The following KHDRBS3 variants were observed in gnomAD, a reference collection of about 807,000 sequenced individuals.
KHDRBS3 encodes KH RNA binding domain containing, signal transduction associated 3.
KHDRBS3 carries 23 observed loss-of-function variants against 45.6 expected under a neutral mutation model. The ratio of observed to expected loss-of-function variants is 0.50; its 90% CI spans 0.36 to 0.72. The LOEUF (loss-of-function observed/expected upper bound fraction) is 0.72. Ranked by LOEUF, KHDRBS3 falls within the 30% of genes least tolerant of loss-of-function variation. The probability of loss-of-function intolerance (pLI) is 0.00; values close to 1 mark genes in which losing one functional copy is unlikely to be tolerated. For synonymous variants in KHDRBS3, 162 were observed against 156.5 expected (o/e 1.04, Z -0.26); for missense variants, 352 against 424.8 (o/e 0.83, Z 1.51).
intron 4 of KHDRBS3, among the ~76,000 whole-genome samples, chr8:135,653,570 T>C (rs1831472222): frequency 6.6e-6 from 1 of 152,220 alleles, no homozygotes; most frequent in Non-Finnish European, 1.5e-5. Flanking sequence ...GCAATGGCAG[T>C]GAGCCATTTT....
At chr8:135,527,386 A>C (rs1825245689) in intron 2 of KHDRBS3, among the ~76,000 whole-genome samples, 1 of 152,206 alleles carries the variant, frequency 6.6e-6, no homozygotes, top group Admixed American at 6.5e-5. Context: ...AGTGAAATTG[A>C]AGGGTGGTGA....
At chr8:135,501,583 CAT>C (rs1286615130) in intron 1 of KHDRBS3, among the ~76,000 whole-genome samples, 4 of 152,064 alleles carry the variant, frequency 2.6e-5, no homozygotes. Flanking sequence ...GGAAAAGAAA[CAT>C]AAAGTCATAC....
At chr8:135,493,490 A>C (rs1003991607) in intron 1 of KHDRBS3, among the ~76,000 whole-genome samples, 1 of 151,936 alleles carries the variant, frequency 6.6e-6, no homozygotes, top group Non-Finnish European at 1.5e-5. Flanking sequence ...TTTTGCTGCA[A>C]GTTTTTATTA....
chr8:135,527,549 G>A (rs535308899), intron 2 of KHDRBS3, among the ~76,000 whole-genome samples: 1 of 152,338 alleles, frequency 6.6e-6, no homozygotes, highest in East Asian at 1.9e-4. Flanking sequence ...TTAAAGTAGA[G>A]AATGACATTT....
intron 7 of KHDRBS3, among the ~76,000 whole-genome samples, chr8:135,633,156 G>A (rs1337507268): frequency 1.3e-5 from 2 of 152,156 alleles, no homozygotes; most frequent in Non-Finnish European, 2.9e-5. Flanking sequence ...TAGTGAATTT[G>A]TGTTGTTTAT....
chr8:135,576,045 G>A (rs1027175758), intron 5 of KHDRBS3, among the ~76,000 whole-genome samples: 1 of 152,048 alleles, frequency 6.6e-6, no homozygotes, highest in Non-Finnish European at 1.5e-5. Context: ...TTTTTAAGAT[G>A]TTTCTCAATT....
At chr8:135,623,141 T>C (rs993005822) in intron 7 of KHDRBS3, among the ~76,000 whole-genome samples, 3 of 152,258 alleles carry the variant, frequency 2.0e-5, no homozygotes, top group African/African-American at 7.2e-5. Context: ...TTAAAATTAC[T>C]CGTGATGTCT....
intron 5 of KHDRBS3, among the ~76,000 whole-genome samples, chr8:135,560,864 C>T (rs552004774): frequency 2.0e-5 from 3 of 152,282 alleles, no homozygotes; most frequent in South Asian, 2.1e-4. Flanking sequence ...TGCGTACTTA[C>T]GGTTACCACC....
chr8:135,538,699 A>G (rs907765730), intron 2 of KHDRBS3: 3 of 152,224 alleles, frequency 2.0e-5, no homozygotes, highest in African/African-American at 7.2e-5. Context: ...CACATTGCTG[A>G]TAAGATGAGG....
chr8:135,603,965 C>A (rs1829335465), intron 6 of KHDRBS3, among the ~76,000 whole-genome samples: 1 of 151,376 alleles, frequency 6.6e-6, no homozygotes, highest in South Asian at 2.1e-4. Context: ...CTTTTTTGAC[C>A]TTCTTTCTAG....
At chr8:135,458,780 C>T in intron 1 of KHDRBS3, 1 of 445,010 alleles carries the variant, frequency 2.2e-6, no homozygotes, top group Non-Finnish European at 4.5e-6. Flanking sequence ...CCAGCCAGCT[C>T]AGGGTGTGAA....
chr8:135,554,715 T>G (rs1012058425), intron 4 of KHDRBS3, among the ~76,000 whole-genome samples: 1 of 152,214 alleles, frequency 6.6e-6, no homozygotes, highest in Non-Finnish European at 1.5e-5. Context: ...TTTAACTTTC[T>G]TTTTGATTGG....
Position 135,459,792 on chromosome 8 carries a change from T to C in KHDRBS3, c.88+1838T>C, listed in dbSNP as rs112228436. Among the ~76,000 whole-genome samples the C allele has an allele frequency of 1.3e-3, 192 of 152,348 alleles. 3 individuals are homozygous for C. Among genetic ancestry groups the C allele is most frequent in the African/African-American group, 3.9e-3 (163 of 41,578 alleles). On this transcript the variant is annotated intron_variant, in intron 1 of 8. Coordinates refer to ENST00000355849, the MANE Select transcript of KHDRBS3 (RefSeq NM_006558.3). Reference sequence around the variant, plus strand: ...GTCCAAAATTCTTTTGGATTCTGTGTTTTTACCAGTGTTAATGGCTTCCAG... The same window carrying C: ...GTCCAAAATTCTTTTGGATTCTGTGCTTTTACCAGTGTTAATGGCTTCCAG...
chr8:135,614,507 G>C (rs980764581), intron 7 of KHDRBS3, among the ~76,000 whole-genome samples: 23 of 151,752 alleles, frequency 1.5e-4, no homozygotes, highest in Non-Finnish European at 3.4e-4. Flanking sequence ...CCAAAGAACT[G>C]TTTGGCTCCT....
At chr8:135,458,222 C>G in intron 1 of KHDRBS3, 1 of 1,234,528 alleles carries the variant, frequency 8.1e-7, no homozygotes, top group Non-Finnish European at 1.0e-6. Context: ...TCGGGCACAC[C>G]CAGGGGAAAC....
intron 7 of KHDRBS3, among the ~76,000 whole-genome samples, chr8:135,636,634 G>A (rs968867105): frequency 6.6e-6 from 1 of 152,224 alleles, no homozygotes; most frequent in African/African-American, 2.4e-5. Flanking sequence ...CCAGCAGCAA[G>A]AGAAGAATAA....
chr8:135,485,259 G>T (rs1463835241), intron 1 of KHDRBS3, among the ~76,000 whole-genome samples: 3 of 152,202 alleles, frequency 2.0e-5, no homozygotes, highest in Non-Finnish European at 4.4e-5. Context: ...TTCAATGAAA[G>T]ATATTGAATG....
chr8:135,485,931 T>TAATACTACC, intron 1 of KHDRBS3, among the ~76,000 whole-genome samples: 1 of 150,848 alleles, frequency 6.6e-6, no homozygotes, highest in East Asian at 2.0e-4. Flanking sequence ...AGAATCCTTT[T>TAATACTACC]AATACTACCA....
intron 1 of KHDRBS3, among the ~76,000 whole-genome samples, chr8:135,517,509 AATTT>A (rs1231488812): frequency 6.6e-6 from 1 of 152,144 alleles, no homozygotes. Context: ...TTTCGTAGAT[AATTT>A]TGTGCAATTC....
Sources: gnomAD v4.1 joint callset for allele counts (sites outside exome capture counted in the v4.1 genomes callset) on GRCh38, gnomAD v4.1.1 for gene constraint, MANE v1.5 for transcripts, NCBI Gene and HGNC (gene_info 2026-07-23, HGNC 2026-07-21) for gene names.